Variants in FANCC observed in about 807,000 individuals in gnomAD.
The protein encoded by FANCC is FA complementation group C, also known as Fanconi anemia group C protein.
Under a neutral mutation model 71.3 loss-of-function variants are expected in FANCC, and 55 were observed. The ratio of observed to expected loss-of-function variants is 0.77; its 90% CI spans 0.62 to 0.97. The LOEUF (loss-of-function observed/expected upper bound fraction) is 0.97, where lower values mean the gene tolerates loss of function less well. FANCC is among the 50% of genes least tolerant of loss of function. The probability of loss-of-function intolerance (pLI) is 0.00; values close to 1 mark genes in which losing one functional copy is unlikely to be tolerated. For synonymous variants in FANCC, 275 were observed against 244.9 expected (o/e 1.12, Z -1.15); for missense variants, 678 against 670.9 (o/e 1.01, Z -0.12).
At chr9:95,177,405 G>A (rs980752195) in intron 4 of FANCC, among the ~76,000 whole-genome samples, 2 of 152,188 alleles carry the variant, frequency 1.3e-5, no homozygotes, top group African/African-American at 4.8e-5. Context: ...TATGAAGGCC[G>A]AAGACATGAC....
At chr9:95,206,352 A>G (rs1418376118) in intron 4 of FANCC, among the ~76,000 whole-genome samples, 2 of 152,100 alleles carry the variant, frequency 1.3e-5, no homozygotes, top group Admixed American at 1.3e-4. Context: ...ATGATTAAAG[A>G]GTGTGCTGGA....
At chr9:95,286,713 G>A (rs1833710397) in intron 1 of FANCC, among the ~76,000 whole-genome samples, 1 of 152,170 alleles carries the variant, frequency 6.6e-6, no homozygotes, top group African/African-American at 2.4e-5. Flanking sequence ...GCTGATTACT[G>A]TTCAAGCAAA....
At chr9:95,104,493 A>G (rs1283372337) in intron 14 of FANCC, among the ~76,000 whole-genome samples, 1 of 152,130 alleles carries the variant, frequency 6.6e-6, no homozygotes, top group African/African-American at 2.4e-5. Flanking sequence ...GCAGGGGCTG[A>G]ACCACGTGTC....
Position 95,293,211 on chromosome 9 carries a change from A to G in FANCC, c.-79+24315T>C. On this transcript the variant is annotated intron_variant, in intron 1 of 14. Coordinates refer to ENST00000289081, the MANE Select transcript of FANCC (RefSeq NM_000136.3). ...CTTACAACATCACCGAGATAGCCTC[A>G]AAAGTTGCTTTTACCAAAGCCCAAA... 1.9e-6 allele frequency: 3 copies of G among 1,612,700 alleles called. No homozygotes were observed. The South Asian group carries it at 3.3e-5, about 18-fold the overall frequency.
chr9:95,162,814 CTGT>C (rs1830829307), intron 6 of FANCC, among the ~76,000 whole-genome samples: 2 of 152,102 alleles, frequency 1.3e-5, no homozygotes, highest in Admixed American at 6.5e-5. Context: ...GATTATTTTG[CTGT>C]TGTTGAGTTG....
At chr9:95,274,266 CAT>C (rs1423826843) in intron 1 of FANCC, among the ~76,000 whole-genome samples, 1 of 152,128 alleles carries the variant, frequency 6.6e-6, no homozygotes, top group Non-Finnish European at 1.5e-5. Context: ...CGAGTGAGAA[CAT>C]GTGGTGTTTG....
chr9:95,247,595 G>T, intron 2 of FANCC, 79 bp from the exon 3 acceptor site: 1 of 889,070 alleles, frequency 1.1e-6, no homozygotes, highest in South Asian at 1.3e-5. Flanking sequence ...TAGATTGAGG[G>T]AACGTGAATG....
At chr9:95,244,206 T>A (rs908795543) in intron 3 of FANCC, among the ~76,000 whole-genome samples, 1 of 152,218 alleles carries the variant, frequency 6.6e-6, no homozygotes, top group South Asian at 2.1e-4. Context: ...ATCTTCAAGT[T>A]TGCCCCAGCA....
At chr9:95,313,107 G>C (rs1835508618) in intron 1 of FANCC, among the ~76,000 whole-genome samples, 1 of 152,202 alleles carries the variant, frequency 6.6e-6, no homozygotes, top group Non-Finnish European at 1.5e-5. Flanking sequence ...AGAAGCCGGC[G>C]CTGCAGAAGC....
At chr9:95,250,272 C>A (rs539254388) in intron 1 of FANCC, among the ~76,000 whole-genome samples, 75 of 152,292 alleles carry the variant, frequency 4.9e-4, no homozygotes, top group African/African-American at 1.8e-3. Context: ...CTCCCCAGGG[C>A]AGGCAGGATA....
At chr9:95,239,973 C>G (rs561851908) in intron 4 of FANCC, among the ~76,000 whole-genome samples, 1 of 152,336 alleles carries the variant, frequency 6.6e-6, no homozygotes, top group South Asian at 2.1e-4. Context: ...GTGCGGGGAA[C>G]AGAAAAGAAC....
At chr9:95,220,307 T>C (rs1457988140) in intron 4 of FANCC, among the ~76,000 whole-genome samples, 1 of 152,242 alleles carries the variant, frequency 6.6e-6, no homozygotes, top group Non-Finnish European at 1.5e-5. Context: ...GAAGATAGTA[T>C]GGCAATTCCT....
In FANCC at chr9:95,101,790, T is replaced by G. The variant is rs764649916; in HGVS notation, c.1594A>C (p.Arg532=). 6.2e-7 allele frequency: 1 copy of G among 1,614,054 alleles called. No homozygotes were observed. The highest frequency in any genetic ancestry group is 8.5e-7 in the Non-Finnish European group (1 of 1,180,046). Reference sequence around the variant, plus strand: ...CTTTCAATGCCAAGACGATTCCATCTGTACAAGGTCTGGTCAAGAAAGCCA... The same window carrying G: ...CTTTCAATGCCAAGACGATTCCATCGGTACAAGGTCTGGTCAAGAAAGCCA... ...IIGFLDQTLY[R]WNRLGIESPR... The change falls in exon 15 of 15, where the codon AGA becomes CGA. Residue 532 remains arginine (R), a synonymous_variant. Coordinates refer to ENST00000289081, the MANE Select transcript of FANCC (RefSeq NM_000136.3).
At chr9:95,306,120 A>C (rs1003521068) in intron 1 of FANCC, among the ~76,000 whole-genome samples, 11 of 152,234 alleles carry the variant, frequency 7.2e-5, no homozygotes, top group African/African-American at 2.7e-4. Flanking sequence ...AAGTTTAGTC[A>C]GAATAAAGTT....
chr9:95,114,587 C>A, intron 12 of FANCC, 42 bp downstream of exon 12: 2 of 1,546,786 alleles, frequency 1.3e-6, no homozygotes, highest in Non-Finnish European at 1.8e-6. Context: ...TCTAGGGAAA[C>A]CATGTGTGAA....
rs534738288 is a variant in FANCC at position 95,315,478 on chromosome 9, C to A, written c.-79+2048G>T. On this transcript the variant is annotated intron_variant, in intron 1 of 14. Transcript: ENST00000289081. ...GGATCAAGTGATCCTTCCGCCTCCG[C>A]TTCCCAAAGTGCTGGGATTACAGGC... Among the ~76,000 whole-genome samples, 3 of 152,352 alleles carry A rather than the reference C, an allele frequency of 2.0e-5. No homozygotes were observed. In the East Asian group the frequency reaches 5.8e-4, roughly 29 times the overall value.
intron 4 of FANCC, 24 bp downstream of exon 4, chr9:95,240,625 G>A (rs1389631451): frequency 3.3e-6 from 5 of 1,525,116 alleles, no homozygotes; most frequent in African/African-American, 2.7e-5. Flanking sequence ...TCAAAGAAGT[G>A]CAGAGCAAGA....
intron 6 of FANCC, among the ~76,000 whole-genome samples, chr9:95,156,245 T>C (rs1214141064): frequency 6.6e-6 from 1 of 152,124 alleles, no homozygotes; most frequent in African/African-American, 2.4e-5. Flanking sequence ...AAGGATAAAA[T>C]TGGAATTAAT....
At chr9:95,196,369 C>T (rs1827458576) in intron 4 of FANCC, among the ~76,000 whole-genome samples, 1 of 151,766 alleles carries the variant, frequency 6.6e-6, no homozygotes, top group Non-Finnish European at 1.5e-5. Flanking sequence ...TAATCACATG[C>T]TTTTTCTTCT....
Sources: gnomAD v4.1 joint callset for allele counts (sites outside exome capture counted in the v4.1 genomes callset) on GRCh38, gnomAD v4.1.1 for gene constraint, MANE v1.5 for transcripts, NCBI Gene and HGNC (gene_info 2026-07-23, HGNC 2026-07-21) for gene names.